Variants in TMEM132B observed in about 807,000 individuals in gnomAD.
The protein encoded by TMEM132B is transmembrane protein 132B.
Under a neutral mutation model 90.8 loss-of-function variants are expected in TMEM132B, and 18 were observed. The observed-to-expected ratio is 0.20, with a 90% confidence interval of 0.14 to 0.29. The LOEUF (loss-of-function observed/expected upper bound fraction) is 0.29. Among genes scored for constraint, TMEM132B ranks in the 10% least tolerant of loss-of-function variants. The probability of loss-of-function intolerance (pLI) is 1.00; values close to 1 mark genes in which losing one functional copy is unlikely to be tolerated. For missense variants in TMEM132B, 1,096 were observed against 1,326.8 expected, an observed-to-expected ratio of 0.83 and a Z score of 2.70; for synonymous variants, 504 against 523.3, an observed-to-expected ratio of 0.96 and a Z score of 0.50.
chr12:125,274,116 A>G (rs1273132087), intron 1 of TMEM132B, among the ~76,000 whole-genome samples: 1 of 151,898 alleles, frequency 6.6e-6, no homozygotes, highest in African/African-American at 2.4e-5. Flanking sequence ...TCTCTTCGTG[A>G]GTGGTGTGTA....
At chr12:125,423,852 C>T (rs1480347990) in intron 3 of TMEM132B, among the ~76,000 whole-genome samples, 1 of 151,946 alleles carries the variant, frequency 6.6e-6, no homozygotes, top group Admixed American at 6.6e-5. Context: ...GTTTTCTGTA[C>T]TAATAAAGAA....
intron 1 of TMEM132B, among the ~76,000 whole-genome samples, chr12:125,238,097 T>G (rs1185950149): frequency 6.6e-6 from 1 of 152,204 alleles, no homozygotes. Flanking sequence ...ATTTTGTAGT[T>G]CTTCCTCTTC....
chr12:125,223,966 G>T (rs1202974790), intron 1 of TMEM132B, among the ~76,000 whole-genome samples: 1 of 152,106 alleles, frequency 6.6e-6, no homozygotes, highest in African/African-American at 2.4e-5. Flanking sequence ...TAGTAGAGAA[G>T]GGGTTTCGCC....
chr12:125,306,025 C>T (rs962151385), intron 1 of TMEM132B, among the ~76,000 whole-genome samples: 3 of 152,310 alleles, frequency 2.0e-5, no homozygotes, highest in African/African-American at 7.2e-5. Flanking sequence ...TTCTTAGAGT[C>T]TTGTGCCAGG....
chr12:125,276,890 GC>G (rs1161407962), intron 1 of TMEM132B, among the ~76,000 whole-genome samples: 3 of 152,216 alleles, frequency 2.0e-5, no homozygotes, highest in Non-Finnish European at 4.4e-5. Flanking sequence ...AGGGAGAGGT[GC>G]AGCCCTTCCC....
At chr12:125,195,394 G>GTT (rs36005995) in intron 1 of TMEM132B, among the ~76,000 whole-genome samples, 28,138 of 89,826 alleles carry the variant, frequency 0.31, 5,370 homozygotes, top group Non-Finnish European at 0.34. Flanking sequence ...GGGTTTGCGG[G>GTT]TTTTTTTTTT....
intron 4 of TMEM132B, among the ~76,000 whole-genome samples, chr12:125,539,078 C>T (rs1883888224): frequency 6.6e-6 from 1 of 152,198 alleles, no homozygotes; most frequent in African/African-American, 2.4e-5. Flanking sequence ...ATTCTCCACA[C>T]CACAGCCAGG....
chr12:125,320,644 GGA>G (rs1876403470), intron 1 of TMEM132B, among the ~76,000 whole-genome samples: 3 of 152,254 alleles, frequency 2.0e-5, no homozygotes, highest in Non-Finnish European at 2.9e-5. Context: ...TCCACAAGGG[GGA>G]AGCTGAGTCG....
intron 4 of TMEM132B, 82 bp from the exon 5 acceptor site, chr12:125,583,769 G>A: frequency 6.6e-7 from 1 of 1,512,748 alleles, no homozygotes; most frequent in African/African-American, 1.4e-5. Context: ...GAAGGCAGTA[G>A]GGAGCTTGGT....
chr12:125,609,277 T>C (rs964971773), intron 5 of TMEM132B, among the ~76,000 whole-genome samples: 2 of 152,164 alleles, frequency 1.3e-5, no homozygotes, highest in Non-Finnish European at 2.9e-5. Flanking sequence ...TCTATTCCAT[T>C]GAATCATATG....
chr12:125,530,706 C>T (rs2136694962), intron 4 of TMEM132B, among the ~76,000 whole-genome samples: 1 of 152,314 alleles, frequency 6.6e-6, no homozygotes, highest in Non-Finnish European at 1.5e-5. Context: ...GCCACCTTGC[C>T]CTCATCTCTC....
At chr12:125,383,617 C>T (rs1878745220) in intron 2 of TMEM132B, among the ~76,000 whole-genome samples, 1 of 152,136 alleles carries the variant, frequency 6.6e-6, no homozygotes, top group African/African-American at 2.4e-5. Context: ...CTGTTCAATC[C>T]CTATCTTCTT....
intron 2 of TMEM132B, among the ~76,000 whole-genome samples, chr12:125,391,039 TAGTGTGTGTG>T (rs1156646832): frequency 5.4e-4 from 77 of 143,612 alleles, no homozygotes; most frequent in African/African-American, 1.5e-3. Flanking sequence ...TACTAAAGAA[TAGTGTGTGTG>T]TGTGTGTGTG....
At chr12:125,646,056 G>A (rs1169808425) in intron 6 of TMEM132B, among the ~76,000 whole-genome samples, 1 of 152,202 alleles carries the variant, frequency 6.6e-6, no homozygotes, top group Non-Finnish European at 1.5e-5. Flanking sequence ...ACAGAAAGCC[G>A]AGATCATTGT....
chr12:125,370,498 C>T (rs1235023480), intron 2 of TMEM132B, among the ~76,000 whole-genome samples: 1 of 152,194 alleles, frequency 6.6e-6, no homozygotes, highest in African/African-American at 2.4e-5. Context: ...TCAAGGCCAT[C>T]CTGTAGTGAG....
rs532215386 is a variant in TMEM132B at position 125,480,527 on chromosome 12, G to A, written c.1107-38912G>A. On this transcript the variant is annotated intron_variant, in intron 3 of 8. Coordinates refer to ENST00000682704, the MANE Select transcript of TMEM132B (RefSeq NM_001366854.1). Reference sequence around the variant, plus strand: ...AATCTAGAAGAAATGGATAAATTCCGGGCCACATACACCCTCCCAAGACTA... The same window carrying A: ...AATCTAGAAGAAATGGATAAATTCCAGGCCACATACACCCTCCCAAGACTA... 8.6e-5 allele frequency among the ~76,000 whole-genome samples: 13 copies of A among 151,954 alleles called. No homozygotes were observed. The South Asian group carries it at 2.7e-3, about 32-fold the overall frequency.
chr12:125,573,511 A>G (rs1349554384), intron 4 of TMEM132B, among the ~76,000 whole-genome samples: 1 of 152,210 alleles, frequency 6.6e-6, no homozygotes, highest in Non-Finnish European at 1.5e-5. Context: ...CTGTGTTTAC[A>G]GTTATTTTTA....
intron 1 of TMEM132B, among the ~76,000 whole-genome samples, chr12:125,322,896 A>ATG (rs398077037): frequency 6.6e-6 from 1 of 151,732 alleles, no homozygotes; most frequent in Non-Finnish European, 1.5e-5. Context: ...ATATATATAT[A>ATG]TGCTGTATAT....
intron 2 of TMEM132B, among the ~76,000 whole-genome samples, chr12:125,396,409 G>C (rs1879170979): frequency 6.6e-6 from 1 of 152,208 alleles, no homozygotes; most frequent in Admixed American, 6.5e-5. Context: ...CGTGAACACT[G>C]TATAGTACTA....
Sources: gnomAD v4.1 joint callset for allele counts (sites outside exome capture counted in the v4.1 genomes callset) on GRCh38, gnomAD v4.1.1 for gene constraint, MANE v1.5 for transcripts, NCBI Gene and HGNC (gene_info 2026-07-23, HGNC 2026-07-21) for gene names.